Variants in ZNF264 observed in about 807,000 individuals in gnomAD.
ZNF264 encodes the protein zinc finger protein 264.
A neutral mutation model predicts 11.2 loss-of-function variants in ZNF264; 11 were observed. The observed-to-expected ratio is 0.98, with a 90% CI of 0.62 to 1.63. ZNF264 has a LOEUF of 1.63. Ranked by LOEUF, ZNF264 falls within the 40% of genes most tolerant of loss-of-function variation. ZNF264 has a pLI of 0.00. For synonymous variants in ZNF264, 309 were observed against 279.8 expected (o/e 1.10, Z -1.04); for missense variants, 752 against 768.1 (o/e 0.98, Z 0.25).
chr19:57,196,680 A>G (rs1206333058), intron 2 of ZNF264, among the ~76,000 whole-genome samples: 3 of 151,840 alleles, frequency 2.0e-5, no homozygotes, highest in East Asian at 3.9e-4. Flanking sequence ...CATCCTATAC[A>G]CTTGATTATT....
intron 2 of ZNF264, chr19:57,194,317 C>G (rs769439655): frequency 8.4e-5 from 37 of 441,116 alleles, no homozygotes; most frequent in Non-Finnish European, 1.4e-4. Context: ...ACGATGGTGT[C>G]CTGGCTTCTC....
intron 3 of ZNF264, among the ~76,000 whole-genome samples, chr19:57,208,335 A>G (rs910380159): frequency 1.3e-5 from 2 of 152,106 alleles, no homozygotes; most frequent in East Asian, 3.9e-4. Flanking sequence ...ACTTGAGCTC[A>G]GGAGTTTGAG....
chr19:57,195,999 G>A (rs907508600), intron 2 of ZNF264, among the ~76,000 whole-genome samples: 6 of 151,796 alleles, frequency 4.0e-5, no homozygotes, highest in African/African-American at 1.5e-4. Flanking sequence ...TCCTGGCTAT[G>A]GGAGAAACAG....
rs983121493 is a variant in ZNF264, at chr19:57,215,396, T to C, written c.*2415T>C. On this transcript the variant is annotated 3_prime_UTR_variant, in exon 4 of 4. Transcript: ENST00000263095. ...TTTTTAATATTTAAAATGTGCATAC[T>C]CATTTTATGATTGAGTCTTCTTAGA... 1 of 152,226 alleles carries C rather than the reference T, an allele frequency of 6.6e-6. No individual in the cohort carries two copies. Among genetic ancestry groups the C allele is most frequent in the Non-Finnish European group, 1.5e-5 (1 of 68,042 alleles). 9.4% of individuals were successfully genotyped at this position (152,226 alleles called of 1,614,324 possible). A position where few individuals can be genotyped will look rare whatever the true frequency, so the allele number is the denominator to read the frequency against.
Position 57,191,851 on chromosome 19 carries a change from G to A in ZNF264, c.-63G>A. ...GGCAACCGGCCAGGGTCGGGCACAGGTGGGGTCCGTCAGGCCGCCCGGGGC... is the reference window on the plus strand; with the variant it reads ...GGCAACCGGCCAGGGTCGGGCACAGATGGGGTCCGTCAGGCCGCCCGGGGC... On this transcript the variant is annotated 5_prime_UTR_variant, in exon 1 of 4. The change creates a new upstream start codon in the 5' untranslated region. Coordinates refer to ENST00000263095, the MANE Select transcript of ZNF264 (RefSeq NM_003417.5). 7 of 1,249,848 alleles carry A rather than the reference G, an allele frequency of 5.6e-6. No individual in the cohort carries two copies. The highest frequency in any genetic ancestry group is 7.1e-6 in the Non-Finnish European group (7 of 986,290). The allele number at this position is 1,249,848 out of a possible 1,614,324, so 77.4% of individuals were successfully genotyped here. A position where few individuals can be genotyped will look rare whatever the true frequency, so the allele number is the denominator to read the frequency against.
chr19:57,206,089 C>T (rs886636322), intron 3 of ZNF264, among the ~76,000 whole-genome samples: 1 of 152,156 alleles, frequency 6.6e-6, no homozygotes, highest in African/African-American at 2.4e-5. Flanking sequence ...AATACCAACT[C>T]CCCTCACATT....
rs2087363118 is a variant in ZNF264, at chr19:57,214,233, C to T, written c.*1252C>T. Reference sequence around the variant, plus strand: ...TACCTTTTATTTCCTTTTTGTTTGTCTTATTGCATTGCACAAGCTGGGACT... The same window carrying T: ...TACCTTTTATTTCCTTTTTGTTTGTTTTATTGCATTGCACAAGCTGGGACT... On this transcript the variant is annotated 3_prime_UTR_variant, in exon 4 of 4. Transcript: ENST00000263095. 6.6e-6 allele frequency: 1 copy of T among 151,972 alleles called. No homozygotes were observed. Among genetic ancestry groups the T allele is most frequent in the Non-Finnish European group, 1.5e-5 (1 of 67,994 alleles). 9.4% of individuals were successfully genotyped at this position (151,972 alleles called of 1,614,324 possible). A position where few individuals can be genotyped will look rare whatever the true frequency, so the allele number is the denominator to read the frequency against.
chr19:57,194,967 G>A (rs2087201484), intron 2 of ZNF264: 1 of 387,244 alleles, frequency 2.6e-6, no homozygotes, highest in Non-Finnish European at 4.6e-6. Context: ...TGAGGTAACA[G>A]CTGTCAAGTG....
rs548664860 is a variant in ZNF264, at chr19:57,219,955, A to G, written c.*6974A>G. ...GAGAGCAGGTGAATGTCATGTGGCT[A>G]TGTATGAGACATTGTTGTGAATGTT... On this transcript the variant is annotated 3_prime_UTR_variant, in exon 4 of 4. Coordinates refer to ENST00000263095, the MANE Select transcript of ZNF264 (RefSeq NM_003417.5). The G allele has an allele frequency of 2.6e-5, 4 of 152,398 alleles. No individual in the cohort carries two copies. The East Asian group carries it at 7.7e-4, about 29-fold the overall frequency. The allele number at this position is 152,398 out of a possible 1,614,324, so 9.4% of individuals were successfully genotyped here.
chr19:57,219,222 T>C lies in ZNF264; in HGVS notation c.*6241T>C, dbSNP rs1444824596. The stretch of plus-strand genomic sequence containing the variant: ...TATCCTCAGGAAGGAGTCACCTCTC[T>C]TCCAGGATCACTCTTGCCTTTTGTT... On this transcript the variant is annotated 3_prime_UTR_variant, in exon 4 of 4. Transcript: ENST00000263095. 1.3e-5 allele frequency: 2 copies of C among 152,252 alleles called. No homozygotes were observed. The highest frequency in any genetic ancestry group is 2.9e-5 in the Non-Finnish European group (2 of 68,072). The allele number at this position is 152,252 out of a possible 1,614,324, so 9.4% of individuals were successfully genotyped here.
In ZNF264 at chr19:57,212,580, A is replaced by C. The variant is rs144632393; in HGVS notation, c.1483A>C (p.Met495Leu). Reference sequence around the variant, plus strand: ...GGAGTGTGGAAAGGCCTTCACCCGCATGTCGGGCCTCACGAGGCACAAGCG... The same window carrying C: ...GGAGTGTGGAAAGGCCTTCACCCGCCTGTCGGGCCTCACGAGGCACAAGCG... ...CVECGKAFTR[M>L]SGLTRHKRIH... The change falls in exon 4 of 4, where the codon ATG (methionine) becomes CTG (leucine). Residue 495 changes from methionine to leucine, a missense_variant. Transcript: ENST00000263095. 1 of 1,614,176 alleles carries C rather than the reference A, an allele frequency of 6.2e-7. No individual in the cohort carries two copies. Among genetic ancestry groups the C allele is most frequent in the Admixed American group, 1.7e-5 (1 of 60,022 alleles).
At position 57,212,582 on chromosome 19, in the gene ZNF264, G is replaced by A. The variant is rs983483590; in HGVS notation, c.1485G>A (p.Met495Ile). 6.2e-7 allele frequency: 1 copy of A among 1,614,040 alleles called. No homozygotes were observed. The highest frequency in any genetic ancestry group is 1.1e-5 in the South Asian group (1 of 91,078). Reference protein sequence around the residue: ...CVECGKAFTRMSGLTRHKRIH... With the variant: ...CVECGKAFTRISGLTRHKRIH... ...AGTGTGGAAAGGCCTTCACCCGCAT[G>A]TCGGGCCTCACGAGGCACAAGCGGA... Residue 495 changes from methionine (M) to isoleucine (I), a missense_variant, in exon 4 of 4, where the codon ATG becomes ATA. Transcript: ENST00000263095.
At position 57,219,977 on chromosome 19, in the gene ZNF264, T is replaced by C. The variant is rs1443304552; in HGVS notation, c.*6996T>C. 1.3e-5 allele frequency: 2 copies of C among 152,278 alleles called. No individual in the cohort carries two copies. Among genetic ancestry groups the C allele is most frequent in the African/African-American group, 4.8e-5 (2 of 41,480 alleles). The allele number at this position is 152,278 out of a possible 1,614,324, so 9.4% of individuals were successfully genotyped here. A position where few individuals can be genotyped will look rare whatever the true frequency, so the allele number is the denominator to read the frequency against. Reference sequence around the variant, plus strand: ...GCTATGTATGAGACATTGTTGTGAATGTTTTACATGCATCAGCTCTTTCAA... The same window carrying C: ...GCTATGTATGAGACATTGTTGTGAACGTTTTACATGCATCAGCTCTTTCAA... On this transcript the variant is annotated 3_prime_UTR_variant, in exon 4 of 4. Coordinates refer to ENST00000263095, the MANE Select transcript of ZNF264 (RefSeq NM_003417.5).
intron 2 of ZNF264, among the ~76,000 whole-genome samples, chr19:57,198,835 G>T (rs911119762): frequency 7.2e-5 from 11 of 151,866 alleles, no homozygotes; most frequent in African/African-American, 2.4e-4. Context: ...AGCATAAATT[G>T]TCAGTAGTGT....
rs1456928343 is a variant in ZNF264 at position 57,193,867 on chromosome 19, C to T, written c.34-8C>T. ...GGCCAATACTACTAATTCTGTTTGA[C>T]TTTCCAGGTGTCTGTGACCTTTGAT... On this transcript the variant is annotated splice_region_variant and splice_polypyrimidine_tract_variant and intron_variant, in intron 1 of 3. Coordinates refer to ENST00000263095, the MANE Select transcript of ZNF264 (RefSeq NM_003417.5). 3.1e-6 allele frequency: 5 copies of T among 1,613,794 alleles called. No homozygotes were observed. Among genetic ancestry groups the T allele is most frequent in the Non-Finnish European group, 3.4e-6 (4 of 1,179,892 alleles).
chr19:57,207,642 C>T (rs1188081019), intron 3 of ZNF264, among the ~76,000 whole-genome samples: 1 of 150,452 alleles, frequency 6.6e-6, no homozygotes, highest in Non-Finnish European at 1.5e-5. Context: ...GCCTCAGCCT[C>T]CCAAGTAGCT....
Position 57,193,915 on chromosome 19 carries a change from A to G in ZNF264, c.74A>G (p.Lys25Arg). The G allele has an allele frequency of 1.2e-6, 2 of 1,614,106 alleles. No individual in the cohort carries two copies. The highest frequency in any genetic ancestry group is 1.7e-6 in the Non-Finnish European group (2 of 1,179,984). Reference protein sequence around the residue: ...TFDDVAVTFTKEEWGQLDLAQ... With the variant: ...TFDDVAVTFTREEWGQLDLAQ... ...GATGATGTGGCTGTGACTTTCACCA[A>G]GGAGGAGTGGGGGCAGCTGGACCTA... Residue 25 changes from lysine (K) to arginine (R), a missense_variant, in exon 2 of 4, where the codon AAG becomes AGG. Transcript: ENST00000263095.
Position 57,211,533 on chromosome 19 carries a change from C to G in ZNF264, c.436C>G (p.Pro146Ala), listed in dbSNP as rs1268784929. ...QEGHFRPGIDPQEKSPGKMSP... is the reference protein window; with the variant it reads ...QEGHFRPGIDAQEKSPGKMSP... The stretch of plus-strand genomic sequence containing the variant: ...AGGACACTTCAGACCAGGAATAGAT[C>G]CCCAGGAGAAGTCTCCTGGGAAGAT... The change falls in exon 4 of 4, where the codon CCC (proline) becomes GCC (alanine). Residue 146 changes from proline (P) to alanine (A), a missense_variant. Coordinates refer to ENST00000263095, the MANE Select transcript of ZNF264 (RefSeq NM_003417.5). The G allele has an allele frequency of 1.2e-6, 2 of 1,613,980 alleles. No homozygotes were observed. Among genetic ancestry groups the G allele is most frequent in the South Asian group, 2.2e-5 (2 of 91,084 alleles).
chr19:57,194,255 G>A (rs1949318614), intron 2 of ZNF264: 3 of 486,740 alleles, frequency 6.2e-6, no homozygotes, highest in Non-Finnish European at 1.1e-5. Flanking sequence ...AAACTCAAAG[G>A]TAATTTTCAG....
Sources: allele counts gnomAD v4.1 joint callset (sites outside exome capture counted in the v4.1 genomes callset), GRCh38; gene constraint gnomAD v4.1.1; transcripts MANE v1.5; gene names NCBI Gene and HGNC (gene_info 2026-07-23, HGNC 2026-07-21).